Variants in EPHB6 observed in about 807,000 individuals in gnomAD.
The protein encoded by EPHB6 is ephrin type-B receptor 6.
EPHB6 carries 51 observed loss-of-function variants against 107.0 expected under a neutral mutation model. That is an observed-to-expected ratio of 0.48 (90% CI 0.38 to 0.60). The LOEUF (loss-of-function observed/expected upper bound fraction) is 0.60. EPHB6 is among the 20% of genes least tolerant of loss of function. The probability of loss-of-function intolerance (pLI) is 0.00; values close to 1 mark genes in which losing one functional copy is unlikely to be tolerated. For synonymous variants in EPHB6, 553 were observed against 549.0 expected (o/e 1.01, Z -0.10); for missense variants, 1,141 against 1,355.5 (o/e 0.84, Z 2.48).
intron 19 of EPHB6, 44 bp downstream of exon 19, chr7:142,870,729 T>G: frequency 6.2e-7 from 1 of 1,614,042 alleles, no homozygotes; most frequent in Non-Finnish European, 8.5e-7. Flanking sequence ...TCCAGGCCCC[T>G]GGCTGGGGGT....
At chr7:142,862,984 G>T in intron 4 of EPHB6, 143 bp from the exon 5 acceptor site, 1 of 560,174 alleles carries the variant, frequency 1.8e-6, no homozygotes, top group Non-Finnish European at 3.2e-6. Flanking sequence ...ATGCAACCTG[G>T]CTTCTGTCCC....
chr7:142,862,025 CTGGG>C lies in EPHB6; in HGVS notation c.-287_-284del, dbSNP rs1802863348. The C allele has an allele frequency of 2.0e-5, 3 of 152,240 alleles. No homozygotes were observed. Among genetic ancestry groups the C allele is most frequent in the African/African-American group, 7.2e-5 (3 of 41,444 alleles). 9.4% of individuals were successfully genotyped at this position (152,240 alleles called of 1,614,324 possible). A position where few individuals can be genotyped will look rare whatever the true frequency, so the allele number is the denominator to read the frequency against. On this transcript the variant is annotated 5_prime_UTR_variant, in exon 3 of 20. It removes the in-frame stop codon of an upstream open reading frame in the 5' UTR. Coordinates refer to ENST00000652003, the MANE Select transcript of EPHB6 (RefSeq NM_004445.6). ...AAATATCTTTCTCACAGTCTAGATG[CTGGG>C]AAGTCCAAGATCAGGGTGCCGGCAT...
In EPHB6 at chr7:142,870,217, C is replaced by T; in HGVS notation, c.2614C>T (p.Leu872=). 6.2e-7 allele frequency: 1 copy of T among 1,614,180 alleles called. No homozygotes were observed. The highest frequency in any genetic ancestry group is 1.1e-5 in the South Asian group (1 of 91,082). The change falls in exon 18 of 20, where the codon CTA becomes TTA. Residue 872 remains leucine (L), a synonymous_variant. Coordinates refer to ENST00000652003, the MANE Select transcript of EPHB6 (RefSeq NM_004445.6). ...PYWDMSEQEV[L]NAIEQEFRLP... The stretch of plus-strand genomic sequence containing the variant: ...ATAGTCTTCCTCTGACCCCCAGGTA[C>T]TAAATGCAATAGAGCAGGAGTTCCG...
intron 19 of EPHB6, 40 bp downstream of exon 19, chr7:142,870,725 C>A (rs904827642): frequency 1.1e-5 from 18 of 1,614,032 alleles, no homozygotes; most frequent in Middle Eastern, 3.3e-4. Flanking sequence ...ATGCTCCAGG[C>A]CCCTGGCTGG....
chr7:142,868,041 G>T lies in EPHB6; in HGVS notation c.1910G>T (p.Ser637Ile). 6.3e-7 allele frequency: 1 copy of T among 1,598,416 alleles called. No individual in the cohort carries two copies. The highest frequency in any genetic ancestry group is 8.5e-7 in the Non-Finnish European group (1 of 1,172,442). ...TACACAGAGCAGCTGCAGCAATACA[G>T]CAGCCCAGGTGGGGATGAGGAGAGG... ...TGYTEQLQQY[S>I]SPGLGVKYYI... Residue 637 changes from serine (S) to isoleucine (I), a missense_variant, in exon 13 of 20, where the codon AGC becomes ATC. Physicochemically the swap from Ser to Ile is moderately radical, Grantham distance 142. This residue lies in a region of EPHB6 where 616 missense variants were observed against 759.3 expected (regional missense o/e 0.81). Coordinates refer to ENST00000652003, the MANE Select transcript of EPHB6 (RefSeq NM_004445.6). The surrounding 1 kb of genome is among the most constrained non-coding windows in gnomAD (Gnocchi z 4.2).
rs1803041318 is a variant in EPHB6 at position 142,864,555 on chromosome 7, G to T, written c.755G>T (p.Gly252Val). 6.2e-7 allele frequency: 1 copy of T among 1,613,148 alleles called. No homozygotes were observed. Among genetic ancestry groups the T allele is most frequent in the African/African-American group, 1.3e-5 (1 of 74,930 alleles). ...SFPETQASGA[G>V]GASLVAAVGT... The stretch of plus-strand genomic sequence containing the variant: ...CCAGAGACGCAGGCCAGTGGGGCTG[G>T]GGGGGCCTCCCTGGTGGCAGCTGTG... The change falls in exon 7 of 20, where the codon GGG becomes GTG. Residue 252 changes from glycine (G) to valine (V), a missense_variant. Coordinates refer to ENST00000652003, the MANE Select transcript of EPHB6 (RefSeq NM_004445.6).
intron 1 of EPHB6, among the ~76,000 whole-genome samples, chr7:142,856,599 AC>A (rs1413730370): frequency 6.6e-6 from 1 of 151,818 alleles, no homozygotes; most frequent in African/African-American, 2.4e-5. Flanking sequence ...CTGAGTTCCC[AC>A]TCTAGGTAGA....
intron 7 of EPHB6, 119 bp from the exon 8 acceptor site, chr7:142,865,356 A>C: frequency 7.4e-7 from 1 of 1,352,038 alleles, no homozygotes. Flanking sequence ...TCTTGGAAGA[A>C]AAGGAGAACC....
rs749402986 is a variant in EPHB6 at position 142,863,940 on chromosome 7, A to G, written c.166-26A>G. The G allele has an allele frequency of 2.3e-5, 37 of 1,614,004 alleles. No individual in the cohort carries two copies. In the Admixed American group the frequency reaches 2.3e-4, roughly 10 times the overall value. On this transcript the variant is annotated intron_variant, in intron 6 of 19. Transcript: ENST00000652003. ...CGCCGTGCTTAAGCCCGGAGCCCCT[A>G]AAGCTTCTCCTGGCCCTTCCTGCAG...
At position 142,869,175 on chromosome 7, in the gene EPHB6, C is replaced by T. The variant is rs533434294; in HGVS notation, c.2460+28C>T. Reference sequence around the variant, plus strand: ...GAGAGCACAGCCTTGGGGACACAGCCTGGGGCCTTGTGGCATGCCCCAGCA... The same window carrying T: ...GAGAGCACAGCCTTGGGGACACAGCTTGGGGCCTTGTGGCATGCCCCAGCA... On this transcript the variant is annotated intron_variant, in intron 16 of 19. Transcript: ENST00000652003. This position sits in a 1 kb window ranked among gnomAD's most constrained non-coding sequence, Gnocchi z 4.5. 5.6e-6 allele frequency: 9 copies of T among 1,606,160 alleles called. No individual in the cohort carries two copies. The South Asian group carries it at 9.9e-5, about 18-fold the overall frequency.
rs138943943 is a variant in EPHB6 at position 142,870,252 on chromosome 7, G to T, written c.2649G>T (p.Pro883=). Residue 883 remains proline (P), a synonymous_variant, in exon 18 of 20, where the codon CCG becomes CCT. Coordinates refer to ENST00000652003, the MANE Select transcript of EPHB6 (RefSeq NM_004445.6). The stretch of plus-strand genomic sequence containing the variant: ...TAGAGCAGGAGTTCCGGCTGCCCCC[G>T]CCTCCAGGCTGTCCTCCTGGATTAC... ...NAIEQEFRLP[P]PPGCPPGLHL... 5 of 1,614,166 alleles carry T rather than the reference G, an allele frequency of 3.1e-6. No homozygotes were observed. The South Asian group carries it at 5.5e-5, about 18-fold the overall frequency.
intron 5 of EPHB6, 131 bp downstream of exon 5, chr7:142,863,458 T>G: frequency 8.5e-7 from 1 of 1,177,318 alleles, no homozygotes; most frequent in Non-Finnish European, 1.3e-6. Flanking sequence ...GTGAGGATAA[T>G]GAAGACCCAC....
In EPHB6 at chr7:142,856,930, A is replaced by G. The variant is rs114377357; in HGVS notation, c.-432+1545A>G. 3.0e-3 allele frequency among the ~76,000 whole-genome samples: 461 copies of G among 152,316 alleles called. 5 individuals are homozygous for G. The highest frequency in any genetic ancestry group is 0.011 in the African/African-American group (437 of 41,564). ...CATTCCCTTACACACTCCACCAGGT[A>G]GACACACATCCTCAGGCACTGCTGA... On this transcript the variant is annotated intron_variant, in intron 1 of 19. Coordinates refer to ENST00000652003, the MANE Select transcript of EPHB6 (RefSeq NM_004445.6).
At chr7:142,865,727 T>C (rs890121823) in intron 8 of EPHB6, 97 bp downstream of exon 8, 6 of 1,511,506 alleles carry the variant, frequency 4.0e-6, no homozygotes, top group Non-Finnish European at 5.4e-6. Flanking sequence ...GCATTTGGAG[T>C]GACTTGTTTT....
In EPHB6 at chr7:142,869,025, G is replaced by A. The variant is rs771935881; in HGVS notation, c.2338G>A (p.Val780Met). The A allele has an allele frequency of 6.2e-7, 1 of 1,612,264 alleles. No homozygotes were observed. Among genetic ancestry groups the A allele is most frequent in the Admixed American group, 1.7e-5 (1 of 60,032 alleles). Residue 780 changes from valine (V) to methionine (M), a missense_variant, in exon 16 of 20, where the codon GTG becomes ATG. Coordinates refer to ENST00000652003, the MANE Select transcript of EPHB6 (RefSeq NM_004445.6). This position sits in a 1 kb window ranked among gnomAD's most constrained non-coding sequence, Gnocchi z 4.5. ...GCAGCTGGTGGCCATGCAGCGGGGA[G>A]TGGCTGCTGCCATGCAGTACCTGTC... ...SLQLVAMQRG[V>M]AAAMQYLSSF...
In EPHB6 at chr7:142,864,252, G is replaced by T. The variant is rs145358081; in HGVS notation, c.452G>T (p.Arg151Leu). ...AGCGTTTCCTCCTGGCACCTCAAACGCTGGACCAAGGTGGACACAATTGCA... is the reference window on the plus strand; with the variant it reads ...AGCGTTTCCTCCTGGCACCTCAAACTCTGGACCAAGGTGGACACAATTGCA... ...PDSVSSWHLK[R>L]WTKVDTIAAD... Residue 151 changes from arginine (R) to leucine (L), a missense_variant, in exon 7 of 20, where the codon CGC (arginine) becomes CTC (leucine). Arg to Leu is a moderately radical substitution (Grantham distance 102). Transcript: ENST00000652003. The T allele has an allele frequency of 6.2e-7, 1 of 1,613,826 alleles. No individual in the cohort carries two copies. Among genetic ancestry groups the T allele is most frequent in the Non-Finnish European group, 8.5e-7 (1 of 1,180,020 alleles).
In EPHB6 at chr7:142,869,257, A is replaced by T; in HGVS notation, c.2460+110A>T. On this transcript the variant is annotated intron_variant, in intron 16 of 19. Coordinates refer to ENST00000652003, the MANE Select transcript of EPHB6 (RefSeq NM_004445.6). This position sits in a 1 kb window ranked among gnomAD's most constrained non-coding sequence, Gnocchi z 4.5. ...GGGTAGGTACCTCAGCCGGGGTGTC[A>T]TAGTCCCTGAAAGGAGGGAGGCTCT... The T allele has an allele frequency of 7.8e-7, 1 of 1,274,350 alleles. No individual in the cohort carries two copies. Among genetic ancestry groups the T allele is most frequent in the South Asian group, 1.3e-5 (1 of 78,338 alleles). 78.9% of individuals were successfully genotyped at this position (1,274,350 alleles called of 1,614,324 possible).
chr7:142,868,130 G>T lies in EPHB6; in HGVS notation c.1918+81G>T. 1 of 1,613,154 alleles carries T rather than the reference G, an allele frequency of 6.2e-7. No individual in the cohort carries two copies. Among genetic ancestry groups the T allele is most frequent in the Non-Finnish European group, 8.5e-7 (1 of 1,179,176 alleles). On this transcript the variant is annotated intron_variant, in intron 13 of 19. Transcript: ENST00000652003. This position sits in a 1 kb window ranked among gnomAD's most constrained non-coding sequence, Gnocchi z 4.2. The stretch of plus-strand genomic sequence containing the variant: ...GGCAGGCAAGGCTGGATCCCCCCAA[G>T]ATTGGGGGAGCTCCTTGGCACAACC...
Position 142,870,224 on chromosome 7 carries a change from C to T in EPHB6, c.2621C>T (p.Ala874Val), listed in dbSNP as rs140748660. ...TCCTCTGACCCCCAGGTACTAAATG[C>T]AATAGAGCAGGAGTTCCGGCTGCCC... Reference protein sequence around the residue: ...WDMSEQEVLNAIEQEFRLPPP... With the variant: ...WDMSEQEVLNVIEQEFRLPPP... Residue 874 changes from alanine to valine, a missense_variant, in exon 18 of 20, where the codon GCA becomes GTA. Ala to Val is a moderately conservative substitution (Grantham distance 64). Coordinates refer to ENST00000652003, the MANE Select transcript of EPHB6 (RefSeq NM_004445.6). 6.2e-6 allele frequency: 10 copies of T among 1,614,060 alleles called. No individual in the cohort carries two copies. The African/African-American group carries it at 1.2e-4, about 19-fold the overall frequency.
Sources: allele counts gnomAD v4.1 joint callset (sites outside exome capture counted in the v4.1 genomes callset), GRCh38; gene constraint gnomAD v4.1.1; regional missense constraint gnomAD v4.1.1; non-coding constraint Gnocchi (gnomAD v3.1); transcripts MANE v1.5; gene names NCBI Gene and HGNC (gene_info 2026-07-23, HGNC 2026-07-21).